Variants in CRYBB2 observed in about 807,000 individuals in gnomAD.
CRYBB2 encodes the protein crystallin beta B2.
In CRYBB2, 12 loss-of-function variants were observed where a neutral mutation model predicts 24.3. The observed-to-expected ratio is 0.49, with a 90% confidence interval of 0.32 to 0.80. The LOEUF (loss-of-function observed/expected upper bound fraction) is 0.80, where lower values mean the gene tolerates loss of function less well. CRYBB2 is among the 30% of genes least tolerant of loss of function. The pLI, the probability that CRYBB2 is intolerant of heterozygous loss-of-function variation, is 0.04. For missense variants in CRYBB2, 198 were observed against 268.5 expected (o/e 0.74, Z 1.83); for synonymous variants, 98 against 101.6 (o/e 0.96, Z 0.21).
upstream of CRYBB2, among the ~76,000 whole-genome samples, chr22:25,212,140 T>C (rs185003642): frequency 6.7e-4 from 102 of 152,366 alleles, no homozygotes; most frequent in African/African-American, 2.3e-3. Flanking sequence ...TCTTGATCAT[T>C]TTTTGACAAG....
chr22:25,218,703 AGG>A (rs199611623), upstream of CRYBB2, among the ~76,000 whole-genome samples: 77 of 43,476 alleles, frequency 1.8e-3, no homozygotes, highest in South Asian at 0.044. Flanking sequence ...AGAGAGAGAG[AGG>A]GGGAGAGAGA....
chr22:25,218,828 AAGAAAGAAAG>A (rs1390409513), upstream of CRYBB2, among the ~76,000 whole-genome samples: 88 of 116,858 alleles, frequency 7.5e-4, no homozygotes, highest in Admixed American at 1.1e-3. Flanking sequence ...GAAAGAAAGA[AAGAAAGAAAG>A]AGAAAGAAAG....
intron 3 of CRYBB2, among the ~76,000 whole-genome samples, chr22:25,226,392 T>G (rs1336561126): frequency 6.6e-6 from 1 of 152,194 alleles, no homozygotes; most frequent in Non-Finnish European, 1.5e-5. Flanking sequence ...TGGAGGTTCT[T>G]GGGCCCCACT....
chr22:25,218,783 A>G (rs1344150834), upstream of CRYBB2, among the ~76,000 whole-genome samples: 1 of 62,340 alleles, frequency 1.6e-5, no homozygotes, highest in African/African-American at 8.0e-5. Flanking sequence ...GAGAGAGAAG[A>G]AAGAAAGAAA....
chr22:25,229,649 G>A lies in CRYBB2; in HGVS notation c.449+71G>A, dbSNP rs141555478. 158 of 1,590,582 alleles carry A rather than the reference G, an allele frequency of 9.9e-5. 1 individual carries two copies. The African/African-American group carries it at 1.8e-3, about 18-fold the overall frequency. On this transcript the variant is annotated intron_variant, in intron 5 of 5. Coordinates refer to ENST00000398215, the MANE Select transcript of CRYBB2 (RefSeq NM_000496.3). ...ACTCTGGGGTCCTAAGTCCTGCTCT[G>A]CCCTGTACACGCTGGTGATCTTGCA...
chr22:25,215,273 G>A (rs1415918042), upstream of CRYBB2, among the ~76,000 whole-genome samples: 1 of 152,236 alleles, frequency 6.6e-6, no homozygotes, highest in Non-Finnish European at 1.5e-5. Flanking sequence ...TCACTTAAAG[G>A]CGTTCTTAAA....
chr22:25,229,110 T>C (rs898055614), intron 4 of CRYBB2, among the ~76,000 whole-genome samples: 1 of 151,244 alleles, frequency 6.6e-6, no homozygotes, highest in South Asian at 2.1e-4. Context: ...TGTGTGTGTG[T>C]GCATGTGTGG....
At chr22:25,226,284 A>T (rs1046739128) in intron 3 of CRYBB2, among the ~76,000 whole-genome samples, 22 of 151,664 alleles carry the variant, frequency 1.5e-4, no homozygotes, top group African/African-American at 5.3e-4. Context: ...GGTAGCATGG[A>T]CTCTCTCCAT....
chr22:25,229,058 T>TGTGCGTGTGCACACATGTGTGG (rs1935482423), intron 4 of CRYBB2, among the ~76,000 whole-genome samples: 1 of 102,478 alleles, frequency 9.8e-6, no homozygotes, highest in Non-Finnish European at 2.2e-5. Flanking sequence ...GTGGTGTGCG[T>TGTGCGTGTGCACACATGTGTGG]GTGTGCATGT....
At chr22:25,226,166 CTCTGTGTGTGTGTG>C (rs1380883851) in intron 3 of CRYBB2, among the ~76,000 whole-genome samples, 7 of 99,920 alleles carry the variant, frequency 7.0e-5, no homozygotes, top group Admixed American at 6.9e-4. Context: ...ATTTGGATTT[CTCTGTGTGTGTGTG>C]TGTGTGTGTG....
intron 2 of CRYBB2, among the ~76,000 whole-genome samples, chr22:25,222,171 G>A (rs1021725315): frequency 6.6e-6 from 1 of 152,190 alleles, no homozygotes; most frequent in African/African-American, 2.4e-5. Flanking sequence ...CCCGGGCACA[G>A]GTTCCTTCAG....
rs16979780 is a variant in CRYBB2, at chr22:25,227,048, A to G, written c.174-805A>G. 9.5e-4 allele frequency among the ~76,000 whole-genome samples: 144 copies of G among 152,344 alleles called. No individual in the cohort carries two copies. In the East Asian group the frequency reaches 0.025, roughly 26 times the overall value. On this transcript the variant is annotated intron_variant, in intron 3 of 5. Transcript: ENST00000398215. ...ATCAAGACTACTCTTCCAAAAGAGG[A>G]CAATAAACACGACCTCCTCTTTTGT...
upstream of CRYBB2, among the ~76,000 whole-genome samples, chr22:25,218,175 T>C (rs576739772): frequency 2.2e-3 from 336 of 150,534 alleles, 5 homozygotes; most frequent in South Asian, 0.018. Flanking sequence ...AGGAGAATGG[T>C]GTGAACACGG....
chr22:25,220,294 C>G (rs1935297360), intron 1 of CRYBB2, among the ~76,000 whole-genome samples: 1 of 152,218 alleles, frequency 6.6e-6, no homozygotes, highest in African/African-American at 2.4e-5. Flanking sequence ...AACCTGTTCA[C>G]AGGTATTATT....
At chr22:25,225,125 G>A in intron 3 of CRYBB2, 89 bp downstream of exon 3, 1 of 812,898 alleles carries the variant, frequency 1.2e-6, no homozygotes, top group East Asian at 2.4e-5. Flanking sequence ...GCTCCTGTCT[G>A]CAAATCTGGG....
intron 2 of CRYBB2, among the ~76,000 whole-genome samples, chr22:25,221,752 T>G (rs766349753): frequency 1.3e-5 from 2 of 152,238 alleles, no homozygotes; most frequent in African/African-American, 4.8e-5. Context: ...CACACCCTAT[T>G]GTCTACAGGG....
chr22:25,228,092 T>G, intron 4 of CRYBB2, 107 bp downstream of exon 4: 1 of 1,534,288 alleles, frequency 6.5e-7, no homozygotes, highest in Non-Finnish European at 8.9e-7. Context: ...GGCCCGCCCC[T>G]CTAGCACTGT....
At chr22:25,212,038 T>TG (rs1279721495), upstream of CRYBB2, among the ~76,000 whole-genome samples, 1 of 152,246 alleles carries the variant, frequency 6.6e-6, no homozygotes, top group African/African-American at 2.4e-5. Context: ...ATAAGGTTGT[T>TG]GCCGGTAGTA....
At chr22:25,229,944 G>C (rs1935501756) in intron 5 of CRYBB2, among the ~76,000 whole-genome samples, 1 of 151,250 alleles carries the variant, frequency 6.6e-6, no homozygotes, top group Admixed American at 6.6e-5. Context: ...AGAAGCAGGA[G>C]GACCAGCCCA....
Sources: gnomAD v4.1 joint callset for allele counts (sites outside exome capture counted in the v4.1 genomes callset) on GRCh38, gnomAD v4.1.1 for gene constraint, MANE v1.5 for transcripts, NCBI Gene and HGNC (gene_info 2026-07-23, HGNC 2026-07-21) for gene names.